The following DSG1 variants were observed in gnomAD, a reference collection of about 807,000 sequenced individuals.
DSG1 encodes desmoglein-1.
Under a neutral mutation model 97.5 loss-of-function variants are expected in DSG1, and 39 were observed. That is an observed-to-expected ratio of 0.40 (90% CI 0.31 to 0.52). The LOEUF is 0.52. DSG1 is among the 20% of genes least tolerant of loss of function. The probability of loss-of-function intolerance (pLI) is 0.53; values close to 1 mark genes in which losing one functional copy is unlikely to be tolerated. For synonymous variants in DSG1, 475 were observed against 443.4 expected (o/e 1.07, Z -0.90); for missense variants, 1,311 against 1,295.4 (o/e 1.01, Z -0.18).
chr18:31,342,224 G>T (rs931486329), intron 11 of DSG1, among the ~76,000 whole-genome samples: 1 of 152,034 alleles, frequency 6.6e-6, no homozygotes, highest in Non-Finnish European at 1.5e-5. Flanking sequence ...GAGCCACCGC[G>T]CCCGTCCTGA....
In DSG1 at chr18:31,328,103, G is replaced by A. The variant is rs1375699084; in HGVS notation, c.217-86G>A. The stretch of plus-strand genomic sequence containing the variant: ...TTCCTAAATAACAAGGTCATCACAT[G>A]CAACAACTCTCAAGAAAGCTGTCGT... On this transcript the variant is annotated intron_variant, in intron 3 of 14. Transcript: ENST00000257192. 4 of 1,425,468 alleles carry A rather than the reference G, an allele frequency of 2.8e-6. No individual in the cohort carries two copies. In the Admixed American group the frequency reaches 5.6e-5, roughly 20 times the overall value. 88.3% of individuals were successfully genotyped at this position (1,425,468 alleles called of 1,614,324 possible). A position where few individuals can be genotyped will look rare whatever the true frequency, so the allele number is the denominator to read the frequency against.
chr18:31,344,039 G>C, intron 13 of DSG1, 44 bp downstream of exon 13: 2 of 1,345,462 alleles, frequency 1.5e-6, no homozygotes, highest in Non-Finnish European at 2.1e-6. Context: ...GCTTAAGTAG[G>C]AAGTCTATTT....
At chr18:31,336,894 A>G (rs888350888) in intron 9 of DSG1, among the ~76,000 whole-genome samples, 1 of 152,208 alleles carries the variant, frequency 6.6e-6, no homozygotes, top group Admixed American at 6.5e-5. Flanking sequence ...TTATTGATCA[A>G]TTAGCTGATT....
At position 31,355,071 on chromosome 18, in the gene DSG1, G is replaced by T. The variant is rs775638399; in HGVS notation, c.2875G>T (p.Ala959Ser). The change falls in exon 15 of 15, where the codon GCT becomes TCT. Residue 959 changes from alanine to serine, a missense_variant. Around this residue, in one of 3 missense-constraint regions of DSG1, gnomAD observed 1,038 missense variants for 964.6 expected, o/e 1.08. Transcript: ENST00000257192. Reference sequence around the variant, plus strand: ...TGTGACAGAGAGGGTTGTTTCTGGTGCTGGCGTAACTGGAATTAGTGGCAC... The same window carrying T: ...TGTGACAGAGAGGGTTGTTTCTGGTTCTGGCGTAACTGGAATTAGTGGCAC... Reference protein sequence around the residue: ...VIVTERVVSGAGVTGISGTTG... With the variant: ...VIVTERVVSGSGVTGISGTTG... 6.2e-7 allele frequency: 1 copy of T among 1,614,196 alleles called. No homozygotes were observed. Among genetic ancestry groups the T allele is most frequent in the Admixed American group, 1.7e-5 (1 of 60,026 alleles).
Position 31,336,600 on chromosome 18 carries a change from T to C in DSG1, c.1252T>C (p.Ser418Pro). The change falls in exon 9 of 15, where the codon TCA becomes CCA. Residue 418 changes from serine to proline, a missense_variant. This residue lies in a region of DSG1 where 1,038 missense variants were observed against 964.6 expected (regional missense o/e 1.08). Coordinates refer to ENST00000257192, the MANE Select transcript of DSG1 (RefSeq NM_001942.4). The part of the protein sequence containing the change: ...VATDLDTGRP[S>P]TTVRYVMGNN... ...TACTGACCTGGACACAGGTAGACCT[T>C]CAACGACTGTTAGGTAAGAATGAGA... 1 of 1,614,042 alleles carries C rather than the reference T, an allele frequency of 6.2e-7. No homozygotes were observed. The highest frequency in any genetic ancestry group is 8.5e-7 in the Non-Finnish European group (1 of 1,179,932).
At chr18:31,348,487 A>G (rs1454748969) in intron 14 of DSG1, among the ~76,000 whole-genome samples, 2,085 of 145,958 alleles carry the variant, frequency 0.014, 59 homozygotes, top group African/African-American at 0.055. Flanking sequence ...TATACCCAGT[A>G]ATAGGATGGC....
At position 31,346,936 on chromosome 18, in the gene DSG1, G is replaced by T. The variant is rs1363480565; in HGVS notation, c.2100+738G>T. 3.9e-5 allele frequency among the ~76,000 whole-genome samples: 6 copies of T among 152,300 alleles called. No individual in the cohort carries two copies. The South Asian group carries it at 1.2e-3, about 32-fold the overall frequency. ...TTCCAAAACATTGTAAGAACGAGCT[G>T]TAGGTGGTGGGAAGAGCATGAAGCC... On this transcript the variant is annotated intron_variant, in intron 14 of 14. Transcript: ENST00000257192.
Position 31,354,377 on chromosome 18 carries a change from T to C in DSG1, c.2181T>C (p.Gly727=), listed in dbSNP as rs202146025. 246 of 1,614,086 alleles carry C rather than the reference T, an allele frequency of 1.5e-4. No homozygotes were observed. The highest frequency in any genetic ancestry group is 2.0e-4 in the Non-Finnish European group (232 of 1,180,030). Residue 727 remains glycine, a synonymous_variant, in exon 15 of 15, where the codon GGT becomes GGC. Coordinates refer to ENST00000257192, the MANE Select transcript of DSG1 (RefSeq NM_001942.4). ...TCATATATGACATCGAAGGTGTAGG[T>C]TCCCCTGCTGGCTCTGTGGGTTGTT... ...CLLIYDIEGV[G]SPAGSVGCCS...
Position 31,354,168 on chromosome 18 carries a change from A to T in DSG1, c.2101-129A>T. On this transcript the variant is annotated intron_variant, in intron 14 of 14. Coordinates refer to ENST00000257192, the MANE Select transcript of DSG1 (RefSeq NM_001942.4). Reference sequence around the variant, plus strand: ...AAATGATTTTTAGAGCATCTCTAGTATGTTAAAATCTTGTTTTATTTCATT... The same window carrying T: ...AAATGATTTTTAGAGCATCTCTAGTTTGTTAAAATCTTGTTTTATTTCATT... 4 of 738,036 alleles carry T rather than the reference A, an allele frequency of 5.4e-6. No individual in the cohort carries two copies. The South Asian group carries it at 6.6e-5, about 12-fold the overall frequency. 45.7% of individuals were successfully genotyped at this position (738,036 alleles called of 1,614,324 possible).
chr18:31,331,041 C>G (rs2071717538), intron 5 of DSG1, among the ~76,000 whole-genome samples: 1 of 152,012 alleles, frequency 6.6e-6, no homozygotes, highest in Admixed American at 6.6e-5. Flanking sequence ...TCCACATTCT[C>G]CAATAATCTA....
At position 31,357,257 on chromosome 18, in the gene DSG1, C is replaced by G. The variant is rs1047258871; in HGVS notation, c.*1911C>G. 6.6e-6 allele frequency among the ~76,000 whole-genome samples: 1 copy of G among 151,964 alleles called. No homozygotes were observed. Among genetic ancestry groups the G allele is most frequent in the African/African-American group, 2.4e-5 (1 of 41,412 alleles). ...GTAGAATATGTAAAATTTTGATAGT[C>G]TGTAGTATGCTAAATGCAGAAGTAT... On this transcript the variant is annotated 3_prime_UTR_variant, in exon 15 of 15. Transcript: ENST00000257192.
rs748267927 is a variant in DSG1 at position 31,328,330 on chromosome 18, A to G, written c.358A>G (p.Thr120Ala). Residue 120 changes from threonine to alanine, a missense_variant, in exon 4 of 15, where the codon ACT (threonine) becomes GCT (alanine). Transcript: ENST00000257192. The stretch of plus-strand genomic sequence containing the variant: ...AACATCCATAGTTGATCGAGAGGTC[A>G]CTCCTTTCTTCATTGTAAGTGGACT... ...NITSIVDREV[T>A]PFFIIYCRAL... is the part of the protein sequence containing the mutation. 6.2e-7 allele frequency: 1 copy of G among 1,612,968 alleles called. No homozygotes were observed. The highest frequency in any genetic ancestry group is 8.5e-7 in the Non-Finnish European group (1 of 1,179,176).
At position 31,336,477 on chromosome 18, in the gene DSG1, T is replaced by C. The variant is rs745804251; in HGVS notation, c.1129T>C (p.Leu377=). 2.9e-5 allele frequency: 46 copies of C among 1,613,930 alleles called. No individual in the cohort carries two copies. In the East Asian group the frequency reaches 1.0e-3, roughly 35 times the overall value. Residue 377 remains leucine, a synonymous_variant, in exon 9 of 15, where the codon TTA becomes CTA. Coordinates refer to ENST00000257192, the MANE Select transcript of DSG1 (RefSeq NM_001942.4). The stretch of plus-strand genomic sequence containing the variant: ...AGCATCTGCAATTTCTGTGACTGTG[T>C]TAAATGTAATTGAAGGCCCAGTGTT... ...LKASAISVTV[L]NVIEGPVFRP...
chr18:31,343,398 T>C, intron 11 of DSG1, 52 bp from the exon 12 acceptor site: 1 of 1,613,038 alleles, frequency 6.2e-7, no homozygotes, highest in Non-Finnish European at 8.5e-7. Flanking sequence ...GTTGTTTTGT[T>C]TTTTATTTGC....
At chr18:31,330,646 AG>A (rs1480643509) in intron 5 of DSG1, among the ~76,000 whole-genome samples, 12 of 152,146 alleles carry the variant, frequency 7.9e-5, no homozygotes, top group Non-Finnish European at 1.3e-4. Flanking sequence ...TGCATTTCCT[AG>A]TACCATTCTT....
chr18:31,354,304 A>G lies in DSG1; in HGVS notation c.2108A>G (p.Tyr703Cys), dbSNP rs750155269. 2.0e-5 allele frequency: 32 copies of G among 1,613,764 alleles called. No homozygotes were observed. Among genetic ancestry groups the G allele is most frequent in the Middle Eastern group, 1.6e-4 (1 of 6,082 alleles). ...FMESYFCQKA[Y>C]AYADEDEGRP... is the part of the protein sequence containing the mutation. ...TTTCTCCTATAAATTCAGAAAGCAT[A>G]TGCTTACGCAGATGAAGATGAAGGA... The change falls in exon 15 of 15, where the codon TAT (tyrosine) becomes TGT (cysteine). Residue 703 changes from tyrosine (Y) to cysteine (C), a missense_variant. By Grantham distance (194) the Tyr-to-Cys change is radical. Coordinates refer to ENST00000257192, the MANE Select transcript of DSG1 (RefSeq NM_001942.4).
chr18:31,325,639 G>C (rs186689917), intron 1 of DSG1, among the ~76,000 whole-genome samples: 7 of 151,454 alleles, frequency 4.6e-5, no homozygotes, highest in Admixed American at 1.3e-4. Flanking sequence ...TCCTATTGTC[G>C]TATGTAAATA....
rs2071738121 is a variant in DSG1, at chr18:31,334,193, G to T, written c.996G>T (p.Lys332Asn). ...AAAGAACAAATGTGGGAATTTTAAAGGTTGTTAAGGTATGGTATAATTATC... is the reference window on the plus strand; with the variant it reads ...AAAGAACAAATGTGGGAATTTTAAATGTTGTTAAGGTATGGTATAATTATC... ...MNERTNVGIL[K>N]VVKPLDYEAM... Residue 332 changes from lysine to asparagine, a missense_variant, in exon 8 of 15, where the codon AAG (lysine) becomes AAT (asparagine). By Grantham distance (94) the Lys-to-Asn change is moderately conservative. This residue lies in a region of DSG1 where 1,038 missense variants were observed against 964.6 expected (regional missense o/e 1.08). Coordinates refer to ENST00000257192, the MANE Select transcript of DSG1 (RefSeq NM_001942.4). 3 of 1,583,598 alleles carry T rather than the reference G, an allele frequency of 1.9e-6. No homozygotes were observed. Among genetic ancestry groups the T allele is most frequent in the Middle Eastern group, 3.5e-4 (2 of 5,674 alleles).
intron 14 of DSG1, among the ~76,000 whole-genome samples, chr18:31,353,041 G>A (rs1161013435): frequency 7.6e-5 from 11 of 144,920 alleles, no homozygotes; most frequent in Admixed American, 4.9e-4. Flanking sequence ...AGGAGGAGAG[G>A]TGCTCTGCTT....
Sources: allele counts gnomAD v4.1 joint callset (sites outside exome capture counted in the v4.1 genomes callset), GRCh38; gene constraint gnomAD v4.1.1; regional missense constraint gnomAD v4.1.1; transcripts MANE v1.5; gene names NCBI Gene and HGNC (gene_info 2026-07-23, HGNC 2026-07-21).